Variants in TOP6BL observed in about 807,000 individuals in gnomAD.
TOP6BL encodes the protein TOP6B like initiator of meiotic double strand breaks.
At chr11:66,807,061 G>A in the TOP6BL span, among the ~76,000 whole-genome samples, 10 of 152,160 alleles carry the variant, frequency 6.6e-5, no homozygotes, top group Middle Eastern at 3.2e-3. Context: ...ATTAGGTAGT[G>A]ATAAGTGCAG....
chr11:66,801,065 G>A, the TOP6BL span: 1 of 1,613,944 alleles, frequency 6.2e-7, no homozygotes, highest in Non-Finnish European at 8.5e-7. Flanking sequence ...CCTTGGGAAT[G>A]GAATTGCTCT....
the TOP6BL span, among the ~76,000 whole-genome samples, chr11:66,791,804 T>G: frequency 2.6e-5 from 4 of 151,656 alleles, no homozygotes; most frequent in Non-Finnish European, 4.4e-5. Flanking sequence ...ATCTCTCTCT[T>G]CCTCTTTCTA....
the TOP6BL span, among the ~76,000 whole-genome samples, chr11:66,775,593 G>A: frequency 6.6e-6 from 1 of 152,156 alleles, no homozygotes; most frequent in Non-Finnish European, 1.5e-5. Context: ...TTGCCATGAG[G>A]CTAGGATGTC....
the TOP6BL span, among the ~76,000 whole-genome samples, chr11:66,789,736 A>T: frequency 1.2e-4 from 18 of 152,306 alleles, no homozygotes. Context: ...TGACAAGTCT[A>T]TGAAGTGGGT....
chr11:66,793,359 C>G, the TOP6BL span, among the ~76,000 whole-genome samples: 3 of 151,294 alleles, frequency 2.0e-5, no homozygotes, highest in African/African-American at 7.3e-5. Flanking sequence ...TCCGAAAGTG[C>G]TGGGATTACA....
At chr11:66,767,187 G>C in the TOP6BL span, among the ~76,000 whole-genome samples, 1 of 152,156 alleles carries the variant, frequency 6.6e-6, no homozygotes. Flanking sequence ...CATTAAGATA[G>C]ATAAGTTCTT....
chr11:66,786,111 C>CAACATG, the TOP6BL span, among the ~76,000 whole-genome samples: 3 of 152,030 alleles, frequency 2.0e-5, no homozygotes. Flanking sequence ...CCAGCCTGGC[C>CAACATG]AACATGGCAA....
At chr11:66,812,841 C>T in the TOP6BL span, among the ~76,000 whole-genome samples, 1 of 152,110 alleles carries the variant, frequency 6.6e-6, no homozygotes. Flanking sequence ...AAGGGTGCTA[C>T]TGGCATTTGG....
chr11:66,793,971 G>T, the TOP6BL span, among the ~76,000 whole-genome samples: 1 of 151,718 alleles, frequency 6.6e-6, no homozygotes, highest in Non-Finnish European at 1.5e-5. Context: ...AATTATCCAG[G>T]TGTGGTGATA....
the TOP6BL span, among the ~76,000 whole-genome samples, chr11:66,798,593 G>A: frequency 1.8e-5 from 2 of 113,636 alleles, no homozygotes; most frequent in African/African-American, 7.0e-5. Flanking sequence ...AAGTGACTCT[G>A]TCTCAAAAAA....
chr11:66,808,002 G>A, the TOP6BL span, among the ~76,000 whole-genome samples: 1 of 152,192 alleles, frequency 6.6e-6, no homozygotes, highest in Non-Finnish European at 1.5e-5. Context: ...GTTAGTTCTA[G>A]ATGTTTTATA....
the TOP6BL span, chr11:66,816,040 T>A: frequency 6.3e-6 from 10 of 1,584,738 alleles, no homozygotes; most frequent in Non-Finnish European, 8.6e-6. Context: ...TCGTGTAATA[T>A]CTTGTCCTCT....
chr11:66,790,268 C>CA, the TOP6BL span, among the ~76,000 whole-genome samples: 173 of 130,448 alleles, frequency 1.3e-3, 1 homozygote, highest in South Asian at 3.6e-3. Context: ...GACTCTGCCT[C>CA]AAAAAAAAAA....
chr11:66,791,616 G>T, the TOP6BL span, among the ~76,000 whole-genome samples: 19 of 152,156 alleles, frequency 1.2e-4, no homozygotes, highest in Admixed American at 5.9e-4. Context: ...CATATAATTA[G>T]ACATATTTAA....
At chr11:66,754,516 G>C in the TOP6BL span, among the ~76,000 whole-genome samples, 2 of 152,030 alleles carry the variant, frequency 1.3e-5, no homozygotes, top group African/African-American at 4.8e-5. Flanking sequence ...TAAAATTACT[G>C]GTTGCTCATT....
the TOP6BL span, among the ~76,000 whole-genome samples, chr11:66,807,355 T>A: frequency 7.9e-5 from 12 of 152,280 alleles, no homozygotes; most frequent in African/African-American, 2.9e-4. Flanking sequence ...ATGGATCACC[T>A]GAGGTCAGGA....
chr11:66,754,847 T>C, the TOP6BL span, among the ~76,000 whole-genome samples: 1 of 152,146 alleles, frequency 6.6e-6, no homozygotes, highest in East Asian at 1.9e-4. Context: ...TTCTCCCCAA[T>C]CCACACCAAA....
At chr11:66,819,793 C>T in the TOP6BL span, among the ~76,000 whole-genome samples, 2 of 151,880 alleles carry the variant, frequency 1.3e-5, no homozygotes, top group African/African-American at 4.8e-5. Context: ...ATCCCAGCTA[C>T]TCGGGAGGCT....
chr11:66,832,009 A>AC, the TOP6BL span, among the ~76,000 whole-genome samples: 12 of 151,106 alleles, frequency 7.9e-5, no homozygotes, highest in East Asian at 3.9e-4. Context: ...AAAAAAAAAA[A>AC]AAAAAAACAA....
Sources: allele counts gnomAD v4.1 joint callset (sites outside exome capture counted in the v4.1 genomes callset), GRCh38; gene constraint gnomAD v4.1.1; transcripts MANE v1.5; gene names NCBI Gene and HGNC (gene_info 2026-07-23, HGNC 2026-07-21).